HS6ST3: variants seen among roughly 807,000 people sequenced by gnomAD.
HS6ST3 encodes heparan sulfate 6-O-sulfotransferase 3.
HS6ST3 carries 12 observed loss-of-function variants against 36.7 expected under a neutral mutation model. The ratio of observed to expected loss-of-function variants is 0.33; its 90% CI spans 0.21 to 0.53. HS6ST3 has a LOEUF of 0.53. HS6ST3 is among the 20% of genes least tolerant of loss of function. The probability of loss-of-function intolerance (pLI) is 0.95; values close to 1 mark genes in which losing one functional copy is unlikely to be tolerated. For missense variants in HS6ST3, 584 were observed against 640.9 expected, an observed-to-expected ratio of 0.91 and a Z score of 0.96; for synonymous variants, 240 against 257.5, an observed-to-expected ratio of 0.93 and a Z score of 0.65.
chr13:96,573,862 C>G (rs905661646), intron 1 of HS6ST3: 11 of 453,592 alleles, frequency 2.4e-5, no homozygotes, highest in African/African-American at 2.3e-4. Flanking sequence ...CGAATGAATC[C>G]AGCATCAGGA....
intron 1 of HS6ST3, among the ~76,000 whole-genome samples, chr13:96,152,333 T>TTG (rs1555388358): frequency 1.5e-4 from 12 of 78,454 alleles, no homozygotes; most frequent in African/African-American, 3.1e-4. Flanking sequence ...TTTTTTTTTT[T>TTG]TTGTTGTTGT....
intron 1 of HS6ST3, among the ~76,000 whole-genome samples, chr13:96,617,232 A>T (rs2056477802): frequency 6.6e-6 from 1 of 152,194 alleles, no homozygotes; most frequent in African/African-American, 2.4e-5. Flanking sequence ...ATTAAACCTT[A>T]CTAACTCAAT....
At chr13:96,779,316 C>CAAT (rs67524779) in intron 1 of HS6ST3, among the ~76,000 whole-genome samples, 9,412 of 147,386 alleles carry the variant, frequency 0.064, 335 homozygotes, top group African/African-American at 0.1. Context: ...CTTAAAGTAT[C>CAAT]AATAATAATA....
intron 1 of HS6ST3, among the ~76,000 whole-genome samples, chr13:96,618,916 C>T (rs2056484237): frequency 6.6e-6 from 1 of 152,040 alleles, no homozygotes; most frequent in South Asian, 2.1e-4. Flanking sequence ...AAAACAAGAG[C>T]CTGCATGCTT....
intron 1 of HS6ST3, among the ~76,000 whole-genome samples, chr13:96,435,044 C>A (rs903358251): frequency 1.3e-5 from 2 of 152,040 alleles, no homozygotes; most frequent in Admixed American, 1.3e-4. Flanking sequence ...CTATCCTCAA[C>A]CCCAGTCCAT....
At chr13:96,433,329 A>T (rs542305269) in intron 1 of HS6ST3, among the ~76,000 whole-genome samples, 1 of 152,288 alleles carries the variant, frequency 6.6e-6, no homozygotes, top group South Asian at 2.1e-4. Context: ...ATTTGAATAC[A>T]GGAATTGATA....
intron 1 of HS6ST3, among the ~76,000 whole-genome samples, chr13:96,389,132 A>G (rs943559384): frequency 2.0e-5 from 3 of 152,206 alleles, no homozygotes; most frequent in Non-Finnish European, 4.4e-5. Flanking sequence ...CTATGTATAT[A>G]CTAGACTTGC....
chr13:96,324,895 C>A (rs1292331637), intron 1 of HS6ST3, among the ~76,000 whole-genome samples: 1 of 152,188 alleles, frequency 6.6e-6, no homozygotes, highest in Non-Finnish European at 1.5e-5. Flanking sequence ...GACAATCCAT[C>A]TATGTTGTTT....
chr13:96,621,919 G>A (rs1248182130), intron 1 of HS6ST3, among the ~76,000 whole-genome samples: 3 of 152,162 alleles, frequency 2.0e-5, no homozygotes, highest in Non-Finnish European at 4.4e-5. Context: ...GGTTATTATA[G>A]GATTTTGAGG....
intron 1 of HS6ST3, among the ~76,000 whole-genome samples, chr13:96,773,303 A>G (rs941421676): frequency 6.6e-6 from 1 of 152,178 alleles, no homozygotes; most frequent in African/African-American, 2.4e-5. Context: ...AGCGCCTGGA[A>G]TGCCAGTGAG....
At chr13:96,304,341 A>G (rs2054898654) in intron 1 of HS6ST3, among the ~76,000 whole-genome samples, 1 of 152,158 alleles carries the variant, frequency 6.6e-6, no homozygotes, top group East Asian at 1.9e-4. Context: ...GTGCTTCTAA[A>G]TATTTTCTTC....
intron 1 of HS6ST3, among the ~76,000 whole-genome samples, chr13:96,615,151 GA>G (rs1275260678): frequency 6.6e-6 from 1 of 152,152 alleles, no homozygotes; most frequent in African/African-American, 2.4e-5. Context: ...TTAATGGAAT[GA>G]AAAAAACCAC....
intron 1 of HS6ST3, among the ~76,000 whole-genome samples, chr13:96,796,730 C>A (rs1877921602): frequency 6.6e-6 from 1 of 151,974 alleles, no homozygotes; most frequent in Non-Finnish European, 1.5e-5. Context: ...GTGAAAGTAC[C>A]AAGAAATGCC....
intron 1 of HS6ST3, among the ~76,000 whole-genome samples, chr13:96,644,309 A>AT (rs1354026249): frequency 6.6e-6 from 1 of 152,036 alleles, no homozygotes; most frequent in Non-Finnish European, 1.5e-5. Context: ...ACATTCATCA[A>AT]TTATGTCATA....
intron 1 of HS6ST3, among the ~76,000 whole-genome samples, chr13:96,481,800 T>G (rs1306585279): frequency 6.6e-6 from 1 of 152,176 alleles, no homozygotes; most frequent in Non-Finnish European, 1.5e-5. Flanking sequence ...GATAACATTA[T>G]GTGTGCCAAG....
At chr13:96,290,553 G>A (rs1490008316) in intron 1 of HS6ST3, among the ~76,000 whole-genome samples, 2 of 152,164 alleles carry the variant, frequency 1.3e-5, no homozygotes, top group South Asian at 2.1e-4. Context: ...TTTCTCACAT[G>A]CATCCTGCTG....
intron 1 of HS6ST3, among the ~76,000 whole-genome samples, chr13:96,740,012 C>G (rs1240544110): frequency 1.3e-5 from 2 of 152,158 alleles, no homozygotes; most frequent in African/African-American, 4.8e-5. Flanking sequence ...CCATGAGACA[C>G]TTTCTGACCA....
At chr13:96,123,610 A>G (rs1220598832) in intron 1 of HS6ST3, among the ~76,000 whole-genome samples, 1 of 152,170 alleles carries the variant, frequency 6.6e-6, no homozygotes, top group African/African-American at 2.4e-5. Flanking sequence ...AATGTTAAGA[A>G]TTTTCTCAAC....
At chr13:96,385,291 C>G (rs1282395310) in intron 1 of HS6ST3, among the ~76,000 whole-genome samples, 1 of 152,058 alleles carries the variant, frequency 6.6e-6, no homozygotes, top group South Asian at 2.1e-4. Flanking sequence ...AAATACACTT[C>G]ACTGCCTTTT....
Sources: allele counts gnomAD v4.1 joint callset (sites outside exome capture counted in the v4.1 genomes callset), GRCh38; gene constraint gnomAD v4.1.1; transcripts MANE v1.5; gene names NCBI Gene and HGNC (gene_info 2026-07-23, HGNC 2026-07-21).